SMARCD1: variants seen among roughly 807,000 people sequenced by gnomAD.
The protein encoded by SMARCD1 is SWI/SNF related BAF chromatin remodeling complex subunit D1, also known as SWI/SNF-related matrix-associated actin-dependent regulator of chromatin subfamily D member 1.
SMARCD1 carries 16 observed loss-of-function variants against 70.8 expected under a neutral mutation model. The ratio of observed to expected loss-of-function variants is 0.23; its 90% CI spans 0.15 to 0.34. The LOEUF (loss-of-function observed/expected upper bound fraction) is 0.34, where lower values mean the gene tolerates loss of function less well. SMARCD1 is among the 10% of genes least tolerant of loss of function. The pLI, the probability that SMARCD1 is intolerant of heterozygous loss-of-function variation, is 1.00. For synonymous variants in SMARCD1, 249 were observed against 246.0 expected (o/e 1.01, Z -0.11); for missense variants, 409 against 655.5 (o/e 0.62, Z 4.11).
intron 9 of SMARCD1, among the ~76,000 whole-genome samples, chr12:50,094,213 T>C (rs553153271): frequency 6.6e-6 from 1 of 152,348 alleles, no homozygotes; most frequent in South Asian, 2.1e-4. Flanking sequence ...AATTTATATA[T>C]AACAAATTAT....
intron 7 of SMARCD1, 71 bp downstream of exon 7, chr12:50,090,056 T>C: frequency 7.1e-7 from 1 of 1,411,828 alleles, no homozygotes; most frequent in Non-Finnish European, 1.0e-6. Context: ...CTTTAAAGAG[T>C]TTATGTCTAG....
chr12:50,085,726 AG>A (rs1950782292), intron 1 of SMARCD1, 180 bp downstream of exon 1: 1 of 472,442 alleles, frequency 2.1e-6, no homozygotes, highest in Non-Finnish European at 3.4e-6. Context: ...ACCTGCTCCT[AG>A]GGGCATTGTT....
intron 9 of SMARCD1, among the ~76,000 whole-genome samples, chr12:50,093,483 T>C (rs2137893839): frequency 6.6e-6 from 1 of 150,648 alleles, no homozygotes; most frequent in South Asian, 2.1e-4. Context: ...TTAAAAATTA[T>C]TATTATTATT....
intron 10 of SMARCD1, among the ~76,000 whole-genome samples, chr12:50,094,869 C>T (rs904187612): frequency 6.6e-6 from 1 of 152,210 alleles, no homozygotes; most frequent in African/African-American, 2.4e-5. Context: ...GCAATCCCGC[C>T]TCACGGCAAC....
intron 9 of SMARCD1, among the ~76,000 whole-genome samples, chr12:50,090,888 G>A (rs901230042): frequency 3.6e-5 from 5 of 140,488 alleles, no homozygotes; most frequent in Non-Finnish European, 7.6e-5. Context: ...CCAGTGGCGC[G>A]ATCTCGGCTC....
chr12:50,088,159 G>T, intron 5 of SMARCD1: 1 of 677,474 alleles, frequency 1.5e-6, no homozygotes, highest in East Asian at 2.7e-5. Context: ...AAATAAAGCT[G>T]TTTTTGTTCT....
chr12:50,094,037 C>T (rs1950870597), intron 9 of SMARCD1, among the ~76,000 whole-genome samples: 2 of 152,202 alleles, frequency 1.3e-5, no homozygotes, highest in Non-Finnish European at 2.9e-5. Flanking sequence ...AGGCATAAGC[C>T]ACCACGCCTG....
At chr12:50,090,688 G>A in intron 9 of SMARCD1, 98 bp downstream of exon 9, 1 of 777,228 alleles carries the variant, frequency 1.3e-6, no homozygotes, top group Non-Finnish European at 2.3e-6. Flanking sequence ...CAAACAGGTT[G>A]TTAAACACAA....
rs150581614 is a variant in SMARCD1 at position 50,087,440 on chromosome 12, G to T, written c.609G>T (p.Thr203=). ...CAGATGCCGAGGATGGGGAAGGGAC[G>T]GTGGCTTCCTGGGAGCTTCGGGTAG... ...AKSDAEDGEG[T]VASWELRVEG... The change falls in exon 5 of 13, where the codon ACG becomes ACT. Residue 203 remains threonine (T), a synonymous_variant. Coordinates refer to ENST00000394963, the MANE Select transcript of SMARCD1 (RefSeq NM_003076.5). The T allele has an allele frequency of 6.2e-7, 1 of 1,613,952 alleles. No homozygotes were observed.
At chr12:50,092,524 C>CTT (rs71441318) in intron 9 of SMARCD1, among the ~76,000 whole-genome samples, 17 of 136,318 alleles carry the variant, frequency 1.2e-4, no homozygotes, top group East Asian at 6.5e-4. Flanking sequence ...ACCCGGTGGG[C>CTT]TTTTTTTTTT....
At chr12:50,090,686 T>G in intron 9 of SMARCD1, 96 bp downstream of exon 9, 1 of 793,836 alleles carries the variant, frequency 1.3e-6, no homozygotes, top group African/African-American at 1.7e-5. Context: ...TGCAAACAGG[T>G]TGTTAAACAC....
At chr12:50,093,857 A>G (rs979797612) in intron 9 of SMARCD1, among the ~76,000 whole-genome samples, 1 of 151,868 alleles carries the variant, frequency 6.6e-6, no homozygotes, top group African/African-American at 2.4e-5. Context: ...TTGGCTCACT[A>G]TATCCTCTGC....
intron 9 of SMARCD1, 73 bp downstream of exon 9, chr12:50,090,663 T>G: frequency 2.7e-6 from 3 of 1,105,034 alleles, no homozygotes; most frequent in Non-Finnish European, 4.1e-6. Flanking sequence ...AGTTGTCAAA[T>G]TTTCAGGAAT....
At chr12:50,090,089 G>A in intron 7 of SMARCD1, 104 bp downstream of exon 7, 1 of 1,308,938 alleles carries the variant, frequency 7.6e-7, no homozygotes, top group Non-Finnish European at 1.1e-6. Context: ...TGCCACTTTG[G>A]CACAGAGATA....
At chr12:50,087,789 T>TA (rs1364860383) in intron 5 of SMARCD1, among the ~76,000 whole-genome samples, 1 of 152,128 alleles carries the variant, frequency 6.6e-6, no homozygotes, top group Non-Finnish European at 1.5e-5. Flanking sequence ...TTTTTTTTTT[T>TA]AATCGAGTTT....
At position 50,090,233 on chromosome 12, in the gene SMARCD1, C is replaced by T. The variant is rs1346271910; in HGVS notation, c.874-8C>T. On this transcript the variant is annotated splice_polypyrimidine_tract_variant and splice_region_variant and intron_variant, in intron 7 of 12. Transcript: ENST00000394963. ...TAGCTTCATCCCCTATACTTTGGTT[C>T]CCTGCAGCCTCCCCAGTTTAAATTA... is the stretch of plus-strand genomic sequence containing the variant. 6.2e-7 allele frequency: 1 copy of T among 1,605,586 alleles called. No homozygotes were observed. Among genetic ancestry groups the T allele is most frequent in the Non-Finnish European group, 8.5e-7 (1 of 1,176,200 alleles).
In SMARCD1 at chr12:50,085,564, A is replaced by T. The variant is rs1392604579; in HGVS notation, c.177+18A>T. 1.8e-5 allele frequency: 17 copies of T among 965,942 alleles called. No individual in the cohort carries two copies. The highest frequency in any genetic ancestry group is 9.9e-5 in the Admixed American group (1 of 10,088). The allele number at this position is 965,942 out of a possible 1,614,324, so 59.8% of individuals were successfully genotyped here. Reference sequence around the variant, plus strand: ...CCTATCCGGTGAGTGGGGCAGGAGGAGGGGCGCGCGGGCCGGGGGCGGGGC... The same window carrying T: ...CCTATCCGGTGAGTGGGGCAGGAGGTGGGGCGCGCGGGCCGGGGGCGGGGC... On this transcript the variant is annotated intron_variant, in intron 1 of 12. Coordinates refer to ENST00000394963, the MANE Select transcript of SMARCD1 (RefSeq NM_003076.5).
chr12:50,092,741 T>C (rs1313905171), intron 9 of SMARCD1, among the ~76,000 whole-genome samples: 1 of 152,078 alleles, frequency 6.6e-6, no homozygotes, highest in Non-Finnish European at 1.5e-5. Context: ...TCAATTTTAG[T>C]TTAAAAGGGA....
intron 5 of SMARCD1, chr12:50,088,215 T>C (rs1308260363): frequency 1.4e-6 from 1 of 697,470 alleles, no homozygotes; most frequent in Non-Finnish European, 2.6e-6. Flanking sequence ...AGTCAGACTT[T>C]TCTCTGTTCA....
Sources: gnomAD v4.1 joint callset for allele counts (sites outside exome capture counted in the v4.1 genomes callset) on GRCh38, gnomAD v4.1.1 for gene constraint, MANE v1.5 for transcripts, NCBI Gene and HGNC (gene_info 2026-07-23, HGNC 2026-07-21) for gene names.